NKAIN2: variants seen among roughly 807,000 people sequenced by gnomAD.
The protein encoded by NKAIN2 is sodium/potassium transporting ATPase interacting 2, also known as sodium/potassium-transporting ATPase subunit beta-1-interacting protein 2.
In NKAIN2, 14 loss-of-function variants were observed where a neutral mutation model predicts 32.6. The observed-to-expected ratio is 0.43, with a 90% confidence interval of 0.28 to 0.67. The LOEUF (loss-of-function observed/expected upper bound fraction) is 0.67, where lower values mean the gene tolerates loss of function less well. Ranked by LOEUF, NKAIN2 falls within the 30% of genes least tolerant of loss-of-function variation. The pLI, the probability that NKAIN2 is intolerant of heterozygous loss-of-function variation, is 0.17. For missense variants in NKAIN2, 198 were observed against 258.3 expected, an observed-to-expected ratio of 0.77 and a Z score of 1.60; for synonymous variants, 80 against 87.2, an observed-to-expected ratio of 0.92 and a Z score of 0.46.
intron 4 of NKAIN2, among the ~76,000 whole-genome samples, chr6:124,740,502 A>C (rs994178934): frequency 7.9e-5 from 12 of 151,192 alleles, no homozygotes; most frequent in South Asian, 4.2e-4. Context: ...AAAAAAACTG[A>C]GCATGGTACA....
intron 1 of NKAIN2, among the ~76,000 whole-genome samples, chr6:123,927,227 A>G (rs1000536696): frequency 1.6e-4 from 25 of 152,192 alleles, no homozygotes; most frequent in Admixed American, 4.6e-4. Context: ...TTACCTTGGT[A>G]TGATTTTATG....
intron 2 of NKAIN2, among the ~76,000 whole-genome samples, chr6:124,347,738 A>T (rs986393360): frequency 7.2e-5 from 11 of 152,100 alleles, no homozygotes; most frequent in Non-Finnish European, 1.6e-4. Flanking sequence ...ACATTCATCT[A>T]AATTTTTTTC....
chr6:124,263,067 G>A (rs1452131354), intron 1 of NKAIN2, among the ~76,000 whole-genome samples: 1 of 152,068 alleles, frequency 6.6e-6, no homozygotes, highest in Admixed American at 6.6e-5. Context: ...AAAACTTATT[G>A]GACTATCATA....
intron 4 of NKAIN2, among the ~76,000 whole-genome samples, chr6:124,716,019 G>C (rs901964248): frequency 6.6e-6 from 1 of 152,094 alleles, no homozygotes; most frequent in African/African-American, 2.4e-5. Flanking sequence ...GCTTATTTTT[G>C]TTCTCTCTTT....
chr6:124,075,535 A>G (rs9491063), intron 1 of NKAIN2, among the ~76,000 whole-genome samples: 2,051 of 152,250 alleles, frequency 0.013, 52 homozygotes, highest in African/African-American at 0.045. Flanking sequence ...TGTGAATTCT[A>G]AGGCTCAATG....
chr6:124,195,725 T>C (rs1469403772), intron 1 of NKAIN2, among the ~76,000 whole-genome samples: 1 of 152,142 alleles, frequency 6.6e-6, no homozygotes, highest in Non-Finnish European at 1.5e-5. Flanking sequence ...CAAAAAGCTG[T>C]GATGGATCTA....
intron 1 of NKAIN2, among the ~76,000 whole-genome samples, chr6:123,825,699 T>A (rs112970984): frequency 6.6e-5 from 10 of 152,166 alleles, no homozygotes; most frequent in African/African-American, 2.4e-4. Flanking sequence ...GCTGTGCAAT[T>A]CAGTAACTGT....
chr6:124,559,637 GATAT>G lies in NKAIN2; in HGVS notation c.274-98544_274-98541del, dbSNP rs148309971. On this transcript the variant is annotated intron_variant, in intron 3 of 6. Transcript: ENST00000368417. The stretch of plus-strand genomic sequence containing the variant: ...TTGGCTAACAGAATGTAAGAGAAAT[GATAT>G]ATATCATCTCTAGGCAGAACTTTTA... 3.2e-3 allele frequency among the ~76,000 whole-genome samples: 492 copies of G among 152,170 alleles called. 1 individual carries two copies. Among genetic ancestry groups the G allele is most frequent in the African/African-American group, 0.011 (459 of 41,508 alleles).
intron 6 of NKAIN2, chr6:124,819,267 A>C (rs956921273): frequency 1.0e-5 from 2 of 192,426 alleles, no homozygotes; most frequent in East Asian, 1.9e-4. Context: ...TTTACCTTTT[A>C]ATATCTTTAG....
intron 4 of NKAIN2, among the ~76,000 whole-genome samples, chr6:124,730,743 CA>C (rs1278286865): frequency 6.6e-6 from 1 of 151,668 alleles, no homozygotes; most frequent in Non-Finnish European, 1.5e-5. Flanking sequence ...TTCTGCACAG[CA>C]AAAGAAACTA....
chr6:124,704,542 A>G (rs1022158942), intron 4 of NKAIN2, among the ~76,000 whole-genome samples: 1 of 151,942 alleles, frequency 6.6e-6, no homozygotes, highest in Non-Finnish European at 1.5e-5. Context: ...ATATGTCACA[A>G]ATACATACCT....
chr6:124,103,061 A>T (rs899527306), intron 1 of NKAIN2, among the ~76,000 whole-genome samples: 1 of 152,294 alleles, frequency 6.6e-6, no homozygotes, highest in Admixed American at 6.5e-5. Flanking sequence ...ATTCCATATA[A>T]GTTTTTTTGT....
At chr6:124,116,559 G>T (rs541794847) in intron 1 of NKAIN2, among the ~76,000 whole-genome samples, 1 of 152,158 alleles carries the variant, frequency 6.6e-6, no homozygotes, top group African/African-American at 2.4e-5. Context: ...AAACTTGGAT[G>T]CAATAATACT....
chr6:124,573,000 C>T (rs775648973), intron 3 of NKAIN2, among the ~76,000 whole-genome samples: 4 of 151,924 alleles, frequency 2.6e-5, no homozygotes, highest in Admixed American at 6.6e-5. Flanking sequence ...ACACCATGCC[C>T]GGCTAATTTT....
At chr6:124,766,453 C>A (rs1042221982) in intron 4 of NKAIN2, among the ~76,000 whole-genome samples, 2 of 152,182 alleles carry the variant, frequency 1.3e-5, no homozygotes, top group African/African-American at 4.8e-5. Context: ...CCTGTCCCTT[C>A]CACGCACCCT....
At chr6:124,759,213 CCA>C (rs1215963872) in intron 4 of NKAIN2, among the ~76,000 whole-genome samples, 3 of 152,078 alleles carry the variant, frequency 2.0e-5, no homozygotes, top group Non-Finnish European at 4.4e-5. Flanking sequence ...ATCTTGTTTT[CCA>C]CAAAGACTAA....
At chr6:124,384,527 T>A (rs1194965472) in intron 3 of NKAIN2, among the ~76,000 whole-genome samples, 4 of 152,198 alleles carry the variant, frequency 2.6e-5, no homozygotes, top group Non-Finnish European at 5.9e-5. Flanking sequence ...TTGTCCCTAT[T>A]AATCACAAAA....
intron 1 of NKAIN2, among the ~76,000 whole-genome samples, chr6:124,196,235 C>G (rs1330009198): frequency 6.6e-6 from 1 of 151,986 alleles, no homozygotes; most frequent in Non-Finnish European, 1.5e-5. Context: ...AACTATAACT[C>G]AAAACACAAT....
rs1406992973 is a variant in NKAIN2 at position 124,185,563 on chromosome 6, T to C, written c.55-97442T>C. 2.6e-5 allele frequency among the ~76,000 whole-genome samples: 4 copies of C among 152,222 alleles called. No individual in the cohort carries two copies. The East Asian group carries it at 5.8e-4, about 22-fold the overall frequency. On this transcript the variant is annotated intron_variant, in intron 1 of 6. Transcript: ENST00000368417. ...TTTTATAACAAATCAAAATGTCTAA[T>C]ATATATGATTATTTAATAAGAACAA...
Sources: gnomAD v4.1 joint callset for allele counts (sites outside exome capture counted in the v4.1 genomes callset) on GRCh38, gnomAD v4.1.1 for gene constraint, MANE v1.5 for transcripts, NCBI Gene and HGNC (gene_info 2026-07-23, HGNC 2026-07-21) for gene names.